PPP2R2B: variants seen among roughly 807,000 people sequenced by gnomAD.
PPP2R2B encodes protein phosphatase 2 regulatory subunit Bbeta, also known as serine/threonine-protein phosphatase 2A 55 kDa regulatory subunit B beta isoform.
Under a neutral mutation model 46.0 loss-of-function variants are expected in PPP2R2B, and 5 were observed. The observed-to-expected ratio is 0.11, with a 90% confidence interval of 0.06 to 0.23. The LOEUF (loss-of-function observed/expected upper bound fraction) is 0.23, where lower values mean the gene tolerates loss of function less well. PPP2R2B is among the 10% of genes least tolerant of loss of function. The pLI, the probability that PPP2R2B is intolerant of heterozygous loss-of-function variation, is 1.00. For missense variants in PPP2R2B, 367 were observed against 575.0 expected, an observed-to-expected ratio of 0.64 and a Z score of 3.70; for synonymous variants, 215 against 206.7, an observed-to-expected ratio of 1.04 and a Z score of -0.34.
chr5:146,925,071 G>A (rs1323995930), intron 1 of PPP2R2B, among the ~76,000 whole-genome samples: 1 of 152,034 alleles, frequency 6.6e-6, no homozygotes, highest in Non-Finnish European at 1.5e-5. Context: ...TCCCTCCTTT[G>A]TGCTATTACT....
chr5:146,682,285 A>C (rs926089260), intron 5 of PPP2R2B, among the ~76,000 whole-genome samples: 1 of 152,230 alleles, frequency 6.6e-6, no homozygotes, highest in Non-Finnish European at 1.5e-5. Flanking sequence ...ATGTAATACT[A>C]CTTCGAACTT....
intron 2 of PPP2R2B, among the ~76,000 whole-genome samples, chr5:146,710,891 T>G (rs2151181270): frequency 6.6e-6 from 1 of 152,278 alleles, no homozygotes; most frequent in South Asian, 2.1e-4. Context: ...GGTCAGAAAT[T>G]TTGCTTTGCC....
intron 1 of PPP2R2B, among the ~76,000 whole-genome samples, chr5:147,051,813 A>G (rs1489919771): frequency 6.0e-5 from 7 of 116,314 alleles, no homozygotes; most frequent in African/African-American, 2.4e-4. Flanking sequence ...CCCAGGCTGG[A>G]GTGCAGTAGT....
intron 2 of PPP2R2B, among the ~76,000 whole-genome samples, chr5:146,773,508 G>A (rs1754995168): frequency 6.6e-6 from 1 of 152,160 alleles, no homozygotes; most frequent in African/African-American, 2.4e-5. Context: ...GAAACAGAAT[G>A]CATTCTCCAT....
At chr5:146,979,375 T>A (rs1753061409) in intron 1 of PPP2R2B, among the ~76,000 whole-genome samples, 1 of 152,202 alleles carries the variant, frequency 6.6e-6, no homozygotes, top group South Asian at 2.1e-4. Flanking sequence ...ATTTTCTTGT[T>A]TACTTTCTGT....
In PPP2R2B at chr5:146,869,703, A is replaced by G. The variant is rs1221235420; in HGVS notation, c.70+8299T>C. Among the ~76,000 whole-genome samples, 6 of 152,350 alleles carry G rather than the reference A, an allele frequency of 3.9e-5. No individual in the cohort carries two copies. The East Asian group carries it at 1.2e-3, about 29-fold the overall frequency. ...ATGGGCATGGGATGGAGGGTGATTCATGCTTTATTTACTTATCATGCTTGA... is the reference window on the plus strand; with the variant it reads ...ATGGGCATGGGATGGAGGGTGATTCGTGCTTTATTTACTTATCATGCTTGA... On this transcript the variant is annotated intron_variant, in intron 2 of 9. Transcript: ENST00000394411.
chr5:146,799,829 A>C (rs932386112), intron 2 of PPP2R2B, among the ~76,000 whole-genome samples: 1 of 152,232 alleles, frequency 6.6e-6, no homozygotes, highest in African/African-American at 2.4e-5. Flanking sequence ...TCTTTGTATG[A>C]TTAACTGACC....
chr5:146,734,055 G>C (rs1320900187), intron 2 of PPP2R2B, among the ~76,000 whole-genome samples: 3 of 136,144 alleles, frequency 2.2e-5, no homozygotes, highest in Non-Finnish European at 3.0e-5. Flanking sequence ...AAATGAGTTA[G>C]GTTTTTTTTT....
intron 2 of PPP2R2B, among the ~76,000 whole-genome samples, chr5:146,784,938 T>G (rs1755745158): frequency 6.6e-6 from 1 of 152,120 alleles, no homozygotes; most frequent in Non-Finnish European, 1.5e-5. Flanking sequence ...AGTATCAACT[T>G]TTGGAATATA....
chr5:146,604,258 T>A (rs1772055801), intron 7 of PPP2R2B, among the ~76,000 whole-genome samples: 1 of 152,222 alleles, frequency 6.6e-6, no homozygotes, highest in Non-Finnish European at 1.5e-5. Flanking sequence ...CCAGTGTGTG[T>A]TCCATAAAAT....
At chr5:146,914,438 T>G (rs1015317876) in intron 1 of PPP2R2B, 2 of 152,194 alleles carry the variant, frequency 1.3e-5, no homozygotes, top group African/African-American at 2.4e-5. Context: ...TTACAACCTA[T>G]GTAAAGATCA....
At chr5:146,971,050 T>C (rs934434457) in intron 1 of PPP2R2B, among the ~76,000 whole-genome samples, 5 of 152,216 alleles carry the variant, frequency 3.3e-5, no homozygotes, top group Admixed American at 3.3e-4. Flanking sequence ...TTTCCAAAGC[T>C]GCACATTTTA....
intron 2 of PPP2R2B, among the ~76,000 whole-genome samples, chr5:147,077,261 T>A (rs1007088851): frequency 7.5e-6 from 1 of 133,190 alleles, no homozygotes; most frequent in Non-Finnish European, 1.6e-5. Flanking sequence ...GTTATACATA[T>A]ATGTATGTGT....
chr5:146,825,189 C>G (rs547419914), intron 2 of PPP2R2B, among the ~76,000 whole-genome samples: 12 of 152,184 alleles, frequency 7.9e-5, no homozygotes, highest in Non-Finnish European at 1.6e-4. Context: ...ATAGACACGA[C>G]TTTGTTCATG....
intron 2 of PPP2R2B, among the ~76,000 whole-genome samples, chr5:146,787,598 C>T (rs998445239): frequency 3.9e-5 from 6 of 151,928 alleles, no homozygotes; most frequent in Admixed American, 6.6e-5. Context: ...GATGGAGTCT[C>T]ACTGTGTCAC....
At chr5:146,743,383 C>A (rs1418989129) in intron 2 of PPP2R2B, among the ~76,000 whole-genome samples, 1 of 152,146 alleles carries the variant, frequency 6.6e-6, no homozygotes, top group African/African-American at 2.4e-5. Context: ...AACTATCATG[C>A]GAGGCTAAAG....
intron 2 of PPP2R2B, among the ~76,000 whole-genome samples, chr5:146,742,096 T>C (rs553224844): frequency 6.6e-6 from 1 of 152,176 alleles, no homozygotes; most frequent in South Asian, 2.1e-4. Context: ...GAAAATGTTA[T>C]GTATGTGTCA....
intron 1 of PPP2R2B, among the ~76,000 whole-genome samples, chr5:147,037,684 T>G (rs573088818): frequency 3.9e-4 from 59 of 152,236 alleles, no homozygotes; most frequent in African/African-American, 1.4e-3. Flanking sequence ...ACCAATACCC[T>G]AAGAGTGGTG....
chr5:146,982,856 C>T (rs998588858), intron 1 of PPP2R2B, among the ~76,000 whole-genome samples: 2 of 151,996 alleles, frequency 1.3e-5, no homozygotes, highest in African/African-American at 2.4e-5. Context: ...GCCACTTCTG[C>T]TTTCTTCTGA....
Sources: allele counts gnomAD v4.1 joint callset (sites outside exome capture counted in the v4.1 genomes callset), GRCh38; gene constraint gnomAD v4.1.1; transcripts MANE v1.5; gene names NCBI Gene and HGNC (gene_info 2026-07-23, HGNC 2026-07-21).